NOL4: variants seen among roughly 807,000 people sequenced by gnomAD.
The protein encoded by NOL4 is nucleolar protein 4, also known as cancer/testis antigen 125.
In NOL4, 17 loss-of-function variants were observed where a neutral mutation model predicts 75.9. That is an observed-to-expected ratio of 0.22 (90% CI 0.15 to 0.34). The LOEUF (loss-of-function observed/expected upper bound fraction) is 0.34, where lower values mean the gene tolerates loss of function less well. NOL4 is among the 10% of genes least tolerant of loss of function. NOL4 has a pLI of 1.00. For synonymous variants in NOL4, 292 were observed against 289.9 expected (o/e 1.01, Z -0.07); for missense variants, 614 against 793.5 (o/e 0.77, Z 2.72).
intron 8 of NOL4, among the ~76,000 whole-genome samples, chr18:33,949,251 T>G (rs1236868361): frequency 6.6e-6 from 1 of 152,122 alleles, no homozygotes; most frequent in African/African-American, 2.4e-5. Flanking sequence ...TCAACTGTCC[T>G]TATTTCATTC....
chr18:33,957,028 G>C (rs888549567), intron 8 of NOL4, among the ~76,000 whole-genome samples: 1 of 152,028 alleles, frequency 6.6e-6, no homozygotes, highest in Non-Finnish European at 1.5e-5. Context: ...AAATATGAAC[G>C]AGATGCTGGT....
intron 6 of NOL4, among the ~76,000 whole-genome samples, chr18:33,983,671 C>T (rs972232316): frequency 4.6e-5 from 7 of 151,820 alleles, no homozygotes; most frequent in Admixed American, 3.3e-4. Flanking sequence ...TATATGTAAA[C>T]ATGCATAATA....
intron 10 of NOL4, among the ~76,000 whole-genome samples, chr18:33,882,677 A>G (rs1464943310): frequency 6.6e-6 from 1 of 151,396 alleles, no homozygotes; most frequent in African/African-American, 2.4e-5. Context: ...AACTGGAAAT[A>G]CCATTTGACC....
chr18:33,989,190 C>CAAAAAA (rs55924436), intron 6 of NOL4, among the ~76,000 whole-genome samples: 7 of 65,102 alleles, frequency 1.1e-4, no homozygotes, highest in Non-Finnish European at 1.6e-4. Context: ...CCCATCTCTA[C>CAAAAAA]AAAAAAAAAA....
chr18:34,165,820 TAAG>T (rs1375224352), intron 1 of NOL4, among the ~76,000 whole-genome samples: 2 of 152,006 alleles, frequency 1.3e-5, no homozygotes, highest in African/African-American at 4.8e-5. Flanking sequence ...AAATATATAA[TAAG>T]CAGATATAAT....
At chr18:33,858,755 C>G (rs2062953154) in intron 10 of NOL4, among the ~76,000 whole-genome samples, 1 of 151,974 alleles carries the variant, frequency 6.6e-6, no homozygotes. Context: ...TGAAGATTAT[C>G]TAGCCTTTGA....
In NOL4 at chr18:33,958,412, C is replaced by T. The variant is rs898390036; in HGVS notation, c.1063G>A (p.Ala355Thr). The T allele has an allele frequency of 1.1e-5, 18 of 1,604,016 alleles. No individual in the cohort carries two copies. The highest frequency in any genetic ancestry group is 1.5e-5 in the Non-Finnish European group (18 of 1,174,900). The part of the protein sequence containing the change: ...EARENGSKSP[A>T]HSYSSYDSGK... The stretch of plus-strand genomic sequence containing the variant: ...GAGTCATAGCTGGAGTAACTATGTG[C>T]AGGAGACTGAAAAGAGAAGGTGAAA... Residue 355 changes from alanine (A) to threonine (T), a missense_variant, in exon 7 of 11, where the codon GCA (alanine) becomes ACA (threonine). By Grantham distance (58) the Ala-to-Thr change is moderately conservative. This residue lies in a region of NOL4 where 196 missense variants were observed against 167.9 expected (regional missense o/e 1.17). Coordinates refer to ENST00000261592, the MANE Select transcript of NOL4 (RefSeq NM_003787.5).
At chr18:34,029,319 A>T (rs2075515376) in intron 5 of NOL4, among the ~76,000 whole-genome samples, 1 of 152,206 alleles carries the variant, frequency 6.6e-6, no homozygotes, top group African/African-American at 2.4e-5. Flanking sequence ...ATTCTTAAAA[A>T]AATTGACACC....
intron 1 of NOL4, among the ~76,000 whole-genome samples, chr18:34,202,063 T>A (rs2035780731): frequency 6.6e-6 from 1 of 151,914 alleles, no homozygotes; most frequent in Non-Finnish European, 1.5e-5. Context: ...ATTGTATTTG[T>A]CCTGGATCTG....
chr18:33,936,593 G>C (rs1034028954), intron 9 of NOL4, among the ~76,000 whole-genome samples: 1 of 151,968 alleles, frequency 6.6e-6, no homozygotes, highest in Non-Finnish European at 1.5e-5. Flanking sequence ...GTGTGTCTTA[G>C]CTACTGCAAA....
chr18:33,886,601 C>G (rs1030293669), intron 9 of NOL4, among the ~76,000 whole-genome samples: 1 of 149,656 alleles, frequency 6.7e-6, no homozygotes, highest in Non-Finnish European at 1.5e-5. Flanking sequence ...TGACTATAGT[C>G]AATAATAACT....
At chr18:33,862,211 A>G (rs554476721) in intron 10 of NOL4, among the ~76,000 whole-genome samples, 6 of 152,254 alleles carry the variant, frequency 3.9e-5, no homozygotes, top group African/African-American at 9.6e-5. Context: ...AAAACTGGCT[A>G]GCCATATGTA....
chr18:34,154,471 G>A (rs1457715876), intron 1 of NOL4, among the ~76,000 whole-genome samples: 1 of 151,874 alleles, frequency 6.6e-6, no homozygotes, highest in African/African-American at 2.4e-5. Flanking sequence ...ATTTTGTTAT[G>A]TCATTATGTT....
chr18:33,863,814 ACACAGCCC>A (rs2063299012), intron 10 of NOL4, among the ~76,000 whole-genome samples: 1 of 152,066 alleles, frequency 6.6e-6, no homozygotes, highest in Non-Finnish European at 1.5e-5. Flanking sequence ...TTTCCCTTCC[ACACAGCCC>A]TAATGGAGGT....
intron 6 of NOL4, among the ~76,000 whole-genome samples, chr18:33,981,906 T>C: frequency 6.6e-6 from 1 of 151,974 alleles, no homozygotes; most frequent in Admixed American, 6.6e-5. Context: ...ATAAGAGAAG[T>C]GAGGGAAGAA....
At chr18:34,000,298 C>T (rs1263303230) in intron 6 of NOL4, among the ~76,000 whole-genome samples, 1 of 152,058 alleles carries the variant, frequency 6.6e-6, no homozygotes, top group Non-Finnish European at 1.5e-5. Context: ...GCCTATAAAA[C>T]ACAACCTTCT....
intron 1 of NOL4, among the ~76,000 whole-genome samples, chr18:34,137,130 C>T (rs1008757528): frequency 1.3e-5 from 2 of 152,058 alleles, no homozygotes; most frequent in African/African-American, 4.8e-5. Context: ...CCTACCTCAA[C>T]CCATACATAA....
chr18:34,060,764 T>A (rs2077035682), intron 5 of NOL4, among the ~76,000 whole-genome samples: 1 of 152,164 alleles, frequency 6.6e-6, no homozygotes, highest in Admixed American at 6.6e-5. Flanking sequence ...AAACCAGGAC[T>A]TAGAGAAAGT....
chr18:33,880,761 T>C (rs1038658404), intron 10 of NOL4, among the ~76,000 whole-genome samples: 1 of 152,056 alleles, frequency 6.6e-6, no homozygotes, highest in South Asian at 2.1e-4. Flanking sequence ...ATTACAGCAT[T>C]GGTGGCAGAA....
Sources: gnomAD v4.1 joint callset for allele counts (sites outside exome capture counted in the v4.1 genomes callset) on GRCh38, gnomAD v4.1.1 for gene constraint, gnomAD v4.1.1 regional missense constraint, MANE v1.5 for transcripts, NCBI Gene and HGNC (gene_info 2026-07-23, HGNC 2026-07-21) for gene names.